KIF4A: variants seen among roughly 807,000 people sequenced by gnomAD.
The protein encoded by KIF4A is kinesin family member 4A.
Under a neutral mutation model 105.9 loss-of-function variants are expected in KIF4A, and 7 were observed. The observed-to-expected ratio is 0.07, with a 90% CI of 0.04 to 0.12. The LOEUF is 0.12. KIF4A is among the 10% of genes least tolerant of loss of function. The pLI is 1.00. For synonymous variants in KIF4A, 281 were observed against 331.3 expected, an observed-to-expected ratio of 0.85 and a Z score of 1.65; for missense variants, 558 against 929.2, an observed-to-expected ratio of 0.60 and a Z score of 5.19.
chrX:70,370,819 T>C (rs1333061015), intron 15 of KIF4A, among the ~76,000 whole-genome samples: 2 of 107,370 alleles, frequency 1.9e-5, no homozygotes, highest in African/African-American at 6.8e-5. Context: ...GCCTGTAATC[T>C]CAGCTACTTG....
intron 20 of KIF4A, among the ~76,000 whole-genome samples, chrX:70,388,386 T>A (rs1170533278): frequency 8.9e-6 from 1 of 111,804 alleles, no homozygotes; most frequent in Admixed American, 9.5e-5. Context: ...GGATTTTTTT[T>A]AATTTCTTTT....
intron 15 of KIF4A, among the ~76,000 whole-genome samples, chrX:70,358,053 G>T (rs1331290738): frequency 9.0e-6 from 1 of 111,146 alleles, no homozygotes; most frequent in African/African-American, 3.3e-5. Context: ...TGGGACTACA[G>T]GCATGTGCCA....
In KIF4A at chrX:70,296,884, T is replaced by G. The variant is rs1013017905; in HGVS notation, c.236-114T>G. ...TTTGTGTCTGCCATTCTTAAGAGACTGTATTAAGAGAGCAATCTCAGTTTT... is the reference window on the plus strand; with the variant it reads ...TTTGTGTCTGCCATTCTTAAGAGACGGTATTAAGAGAGCAATCTCAGTTTT... On this transcript the variant is annotated intron_variant, in intron 3 of 30. Coordinates refer to ENST00000374403, the MANE Select transcript of KIF4A (RefSeq NM_012310.5). The G allele has an allele frequency of 4.9e-6, 4 of 810,088 alleles. No homozygotes were observed. In the African/African-American group the frequency reaches 8.3e-5, roughly 17 times the overall value. The allele number at this position is 810,088 out of a possible 1,213,427, so 66.8% of individuals were successfully genotyped here.
chrX:70,404,086 A>G, intron 24 of KIF4A, 52 bp downstream of exon 24: 1 of 1,145,407 alleles, frequency 8.7e-7, no homozygotes, highest in African/African-American at 1.8e-5. Flanking sequence ...ATTGCCTTGT[A>G]TTGTTAGTTT....
chrX:70,342,029 T>G (rs1468155747), intron 11 of KIF4A, 98 bp downstream of exon 11: 5 of 1,047,234 alleles, frequency 4.8e-6, no homozygotes, highest in Non-Finnish European at 6.4e-6. Flanking sequence ...ACAGGTTATA[T>G]TGAAAGAAAT....
rs1483985041 is a variant in KIF4A at position 70,294,790 on chromosome X, C to T, written c.236-2208C>T. 3.5e-5 allele frequency among the ~76,000 whole-genome samples: 4 copies of T among 112,721 alleles called. No individual in the cohort carries two copies. The Middle Eastern group carries it at 0.014, about 388-fold the overall frequency. On this transcript the variant is annotated intron_variant, in intron 3 of 30. Transcript: ENST00000374403. ...ATTTACGGGATAAAACGAAAATGCC[C>T]GCTGGGCATGGTCGCTCAAGCCTGT...
At chrX:70,386,471 G>GT (rs2086218020) in intron 18 of KIF4A, 147 bp from the exon 19 acceptor site, 2 of 441,820 alleles carry the variant, frequency 4.5e-6, no homozygotes. Flanking sequence ...AGAACTACGA[G>GT]TTTTTGACTC....
chrX:70,331,045 C>G (rs1257759660), intron 9 of KIF4A, among the ~76,000 whole-genome samples: 1 of 111,781 alleles, frequency 8.9e-6, no homozygotes, highest in African/African-American at 3.3e-5. Flanking sequence ...AGCACTGACA[C>G]TGCAATTAGC....
chrX:70,375,950 T>A, intron 17 of KIF4A, 150 bp from the exon 18 acceptor site: 1 of 415,949 alleles, frequency 2.4e-6, no homozygotes. Context: ...TAGCAAGGGG[T>A]ATTGTAAGCC....
At position 70,376,163 on chromosome X, in the gene KIF4A, C is replaced by G; in HGVS notation, c.1987C>G (p.Gln663Glu). 1 of 1,204,133 alleles carries G rather than the reference C, an allele frequency of 8.3e-7. No homozygotes were observed. The highest frequency in any genetic ancestry group is 3.0e-5 in the East Asian group (1 of 33,816). ...GAAAGAAGATGCTGAGAAGTTTAGA[C>G]AGTGGAAGCAGAAAAAAGACAAAGA... is the stretch of plus-strand genomic sequence containing the variant. ...QMKEDAEKFR[Q>E]WKQKKDKEVI... The change falls in exon 18 of 31, where the codon CAG (glutamine) becomes GAG (glutamate). Residue 663 changes from glutamine to glutamate, a missense_variant. Around this residue, in one of 2 missense-constraint regions of KIF4A, gnomAD observed 469 missense variants for 680.4 expected, o/e 0.69. Coordinates refer to ENST00000374403, the MANE Select transcript of KIF4A (RefSeq NM_012310.5).
chrX:70,359,675 G>A (rs1315692070), intron 15 of KIF4A, among the ~76,000 whole-genome samples: 1 of 110,528 alleles, frequency 9.0e-6, no homozygotes, highest in African/African-American at 3.3e-5. Context: ...TTCCAGGCAG[G>A]AAGAAGGCAA....
rs775852234 is a variant in KIF4A at position 70,402,668 on chromosome X, G to A, written c.2592G>A (p.Lys864=). ...ATATTGCCACCATTCTGGAAGCCAA[G>A]TGTGCCCTGAAATATTTGATTGGAG... ...WENIATILEA[K]CALKYLIGEL... is the part of the protein sequence containing the mutation. Residue 864 remains lysine (K), a synonymous_variant, in exon 23 of 31, where the codon AAG becomes AAA. Transcript: ENST00000374403. 9.9e-6 allele frequency: 12 copies of A among 1,210,861 alleles called. No homozygotes were observed. The highest frequency in any genetic ancestry group is 6.5e-5 in the Admixed American group (3 of 45,966).
chrX:70,381,435 G>A, intron 18 of KIF4A, among the ~76,000 whole-genome samples: 1 of 111,238 alleles, frequency 9.0e-6, no homozygotes, highest in Non-Finnish European at 1.9e-5. Flanking sequence ...TACTTAGGAG[G>A]CTGAGGCAGG....
At chrX:70,378,038 G>T (rs772446044) in intron 18 of KIF4A, among the ~76,000 whole-genome samples, 6 of 112,247 alleles carry the variant, frequency 5.3e-5, no homozygotes, top group African/African-American at 1.9e-4. Flanking sequence ...CAAATATGAA[G>T]AAATTAACAT....
intron 18 of KIF4A, among the ~76,000 whole-genome samples, chrX:70,378,080 G>A (rs1452441572): frequency 5.3e-5 from 6 of 112,355 alleles, no homozygotes; most frequent in African/African-American, 1.9e-4. Context: ...CTAAAAGGAA[G>A]TCATAGGGAA....
intron 7 of KIF4A, among the ~76,000 whole-genome samples, chrX:70,315,902 A>G (rs779104041): frequency 1.8e-5 from 2 of 111,931 alleles, no homozygotes; most frequent in Admixed American, 1.9e-4. Flanking sequence ...TTTGCCACAG[A>G]CCATGTTTCC....
At position 70,358,284 on chromosome X, in the gene KIF4A, G is replaced by T. The variant is rs202156768; in HGVS notation, c.1674+4477G>T. 1.0e-4 allele frequency among the ~76,000 whole-genome samples: 11 copies of T among 109,230 alleles called. No individual in the cohort carries two copies. The South Asian group carries it at 3.6e-3, about 35-fold the overall frequency. 94.9% of individuals were successfully genotyped at this position (109,230 alleles called of 115,157 possible). A position where few individuals can be genotyped will look rare whatever the true frequency, so the allele number is the denominator to read the frequency against. On this transcript the variant is annotated intron_variant, in intron 15 of 30. Coordinates refer to ENST00000374403, the MANE Select transcript of KIF4A (RefSeq NM_012310.5). ...AGAAATTTGTACTCCTTTCTGGGCG[G>T]TTTTTTTCCTATCATTTCTTTGATA...
rs1283299765 is a variant in KIF4A, at chrX:70,303,706, T to C, written c.778+1308T>C. On this transcript the variant is annotated intron_variant, in intron 7 of 30. Coordinates refer to ENST00000374403, the MANE Select transcript of KIF4A (RefSeq NM_012310.5). ...CAAGTTGTTTTATTTAACAGCTTTA[T>C]TGAGATATAATTTACGTACTATAAC... 8.1e-5 allele frequency among the ~76,000 whole-genome samples: 9 copies of C among 111,224 alleles called. No individual in the cohort carries two copies. The East Asian group carries it at 1.7e-3, about 21-fold the overall frequency.
intron 15 of KIF4A, among the ~76,000 whole-genome samples, chrX:70,354,583 C>T (rs2086043740): frequency 8.9e-6 from 1 of 112,872 alleles, no homozygotes; most frequent in African/African-American, 3.2e-5. Context: ...GTTCTCACAT[C>T]TGAAATAAGA....
Sources: allele counts gnomAD v4.1 joint callset (sites outside exome capture counted in the v4.1 genomes callset), GRCh38; gene constraint gnomAD v4.1.1; regional missense constraint gnomAD v4.1.1; transcripts MANE v1.5; gene names NCBI Gene and HGNC (gene_info 2026-07-23, HGNC 2026-07-21).